Variants in HMGCLL1 observed in about 807,000 individuals in gnomAD.
HMGCLL1 encodes the protein 3-hydroxy-3-methylglutaryl-CoA lyase like 1, also known as 3-hydroxymethyl-3-methylglutaryl-CoA lyase, cytoplasmic.
In HMGCLL1, 36 loss-of-function variants were observed where a neutral mutation model predicts 39.1. The ratio of observed to expected loss-of-function variants is 0.92; its 90% CI spans 0.71 to 1.22. HMGCLL1 has a LOEUF of 1.22. HMGCLL1 is among the 50% of genes most tolerant of loss of function. The pLI is 0.00. For missense variants in HMGCLL1, 451 were observed against 416.5 expected, an observed-to-expected ratio of 1.08 and a Z score of -0.72; for synonymous variants, 149 against 144.0, an observed-to-expected ratio of 1.03 and a Z score of -0.25.
chr6:55,471,377 C>T (rs1765038980), intron 7 of HMGCLL1, among the ~76,000 whole-genome samples: 1 of 151,704 alleles, frequency 6.6e-6, no homozygotes, highest in Non-Finnish European at 1.5e-5. Context: ...CTGCTACAAA[C>T]TCTTTTTCTG....
the HMGCLL1 span, among the ~76,000 whole-genome samples, chr6:55,673,703 G>A: frequency 6.6e-6 from 1 of 151,846 alleles, no homozygotes; most frequent in African/African-American, 2.4e-5. Flanking sequence ...CCCCTTAAGG[G>A]ATGATGATAA....
Position 55,477,615 on chromosome 6 carries a change from G to T in HMGCLL1, c.795+17804C>A, listed in dbSNP as rs1765526765. Among the ~76,000 whole-genome samples, 3 of 142,680 alleles carry T rather than the reference G, an allele frequency of 2.1e-5. No individual in the cohort carries two copies. The Admixed American group carries it at 2.2e-4, about 11-fold the overall frequency. The allele number at this position is 142,680 out of a possible 152,430, so 93.6% of individuals were successfully genotyped here. On this transcript the variant is annotated intron_variant, in intron 7 of 8. Transcript: ENST00000274901. ...ACCGGATGCCTAAATGTCTTTTAATGGGGGAATAGATAAGTAAATATATGA... is the reference window on the plus strand; with the variant it reads ...ACCGGATGCCTAAATGTCTTTTAATTGGGGAATAGATAAGTAAATATATGA...
At chr6:55,454,688 G>A (rs987196281) in intron 7 of HMGCLL1, among the ~76,000 whole-genome samples, 3 of 152,094 alleles carry the variant, frequency 2.0e-5, no homozygotes, top group Non-Finnish European at 2.9e-5. Flanking sequence ...GACTAAGAAT[G>A]TTTGCAGACC....
chr6:55,506,082 G>T (rs138942037), intron 5 of HMGCLL1, among the ~76,000 whole-genome samples: 2 of 151,670 alleles, frequency 1.3e-5, no homozygotes, highest in East Asian at 1.9e-4. Context: ...CAACTTGAAG[G>T]CTGGGTCTTT....
chr6:55,516,005 C>A (rs1241250566), intron 4 of HMGCLL1, among the ~76,000 whole-genome samples: 1 of 151,744 alleles, frequency 6.6e-6, no homozygotes, highest in Non-Finnish European at 1.5e-5. Context: ...ATATAAATTT[C>A]TAAATCACAG....
chr6:55,513,948 T>C (rs1767598274), intron 5 of HMGCLL1, 100 bp downstream of exon 5: 3 of 981,512 alleles, frequency 3.1e-6, no homozygotes, highest in African/African-American at 1.7e-5. Context: ...TGATATTCTA[T>C]GTATATTTTT....
the HMGCLL1 span, among the ~76,000 whole-genome samples, chr6:55,633,028 A>C: frequency 6.6e-6 from 1 of 152,098 alleles, no homozygotes; most frequent in Non-Finnish European, 1.5e-5. Context: ...CATGTACAGC[A>C]GATGTTATTT....
chr6:55,572,161 C>T (rs752660251), intron 1 of HMGCLL1, among the ~76,000 whole-genome samples: 1 of 151,850 alleles, frequency 6.6e-6, no homozygotes, highest in Admixed American at 6.6e-5. Context: ...AAGTGATAAA[C>T]TGTAGGAAGA....
chr6:55,640,044 C>A, the HMGCLL1 span, among the ~76,000 whole-genome samples: 1 of 151,922 alleles, frequency 6.6e-6, no homozygotes, highest in African/African-American at 2.4e-5. Flanking sequence ...TGCCATTGCA[C>A]CCCAACCTGG....
intron 3 of HMGCLL1, among the ~76,000 whole-genome samples, chr6:55,540,019 AGG>A (rs1264889788): frequency 3.7e-5 from 1 of 27,066 alleles, no homozygotes. Context: ...GGAGGGAGGG[AGG>A]GAGGGAGGGA....
intron 3 of HMGCLL1, among the ~76,000 whole-genome samples, chr6:55,539,000 C>G (rs996319047): frequency 3.3e-5 from 5 of 152,058 alleles, no homozygotes; most frequent in African/African-American, 9.7e-5. Context: ...AATTAAAAAG[C>G]CTTTAATGTT....
At chr6:55,501,682 T>A (rs1293447703) in intron 5 of HMGCLL1, among the ~76,000 whole-genome samples, 4 of 151,888 alleles carry the variant, frequency 2.6e-5, no homozygotes, top group Non-Finnish European at 5.9e-5. Context: ...TTAGGATATG[T>A]TCCAAAACAA....
intron 1 of HMGCLL1, among the ~76,000 whole-genome samples, chr6:55,569,679 T>C (rs1212256989): frequency 1.3e-5 from 2 of 152,190 alleles, no homozygotes; most frequent in South Asian, 2.1e-4. Flanking sequence ...TCAGTAGTGG[T>C]AGCTGTATAG....
At chr6:55,649,935 T>A in the HMGCLL1 span, among the ~76,000 whole-genome samples, 1 of 150,850 alleles carries the variant, frequency 6.6e-6, no homozygotes, top group Admixed American at 6.6e-5. Context: ...GCTTGATTGT[T>A]TTTAATTACT....
At chr6:55,539,045 G>A (rs775960954) in intron 3 of HMGCLL1, among the ~76,000 whole-genome samples, 36 of 152,284 alleles carry the variant, frequency 2.4e-4, no homozygotes, top group Admixed American at 7.2e-4. Context: ...TCTAACTGCA[G>A]AGAAACGCAG....
At chr6:55,632,599 C>G in the HMGCLL1 span, among the ~76,000 whole-genome samples, 4 of 151,802 alleles carry the variant, frequency 2.6e-5, no homozygotes, top group Non-Finnish European at 5.9e-5. Context: ...TATAATACAA[C>G]TTACATCAGT....
intron 3 of HMGCLL1, among the ~76,000 whole-genome samples, chr6:55,521,572 G>GA (rs1259523173): frequency 6.6e-6 from 1 of 151,954 alleles, no homozygotes; most frequent in East Asian, 1.9e-4. Flanking sequence ...CTGTTATGGT[G>GA]ATCTGTGATC....
At chr6:55,590,671 T>C in the HMGCLL1 span, among the ~76,000 whole-genome samples, 1 of 152,038 alleles carries the variant, frequency 6.6e-6, no homozygotes, top group Non-Finnish European at 1.5e-5. Flanking sequence ...GATTTTTATC[T>C]CATGCTTATT....
chr6:55,477,240 T>TTTATATAATATATAATATATA (rs1196700888), intron 7 of HMGCLL1, among the ~76,000 whole-genome samples: 1 of 19,062 alleles, frequency 5.2e-5, no homozygotes, highest in Non-Finnish European at 7.3e-5. Context: ...ATATATTATA[T>TTTATATAATATATAATATATA]TTATATAATA....
Sources: allele counts gnomAD v4.1 joint callset (sites outside exome capture counted in the v4.1 genomes callset), GRCh38; gene constraint gnomAD v4.1.1; transcripts MANE v1.5; gene names NCBI Gene and HGNC (gene_info 2026-07-23, HGNC 2026-07-21).